The following SEC31A variants were observed in gnomAD, a reference collection of about 807,000 sequenced individuals.
The protein encoded by SEC31A is protein transport protein Sec31A.
SEC31A carries 70 observed loss-of-function variants against 151.0 expected under a neutral mutation model. The observed-to-expected ratio is 0.46, with a 90% CI of 0.38 to 0.57. SEC31A has a LOEUF of 0.57. Ranked by LOEUF, SEC31A falls within the 20% of genes least tolerant of loss-of-function variation. The probability of loss-of-function intolerance (pLI) is 0.00; values close to 1 mark genes in which losing one functional copy is unlikely to be tolerated. For synonymous variants in SEC31A, 475 were observed against 505.9 expected (o/e 0.94, Z 0.82); for missense variants, 1,330 against 1,471.2 (o/e 0.90, Z 1.57).
Position 82,881,041 on chromosome 4 carries a change from C to T in SEC31A, c.80-119G>A, listed in dbSNP as rs140782695. On this transcript the variant is annotated intron_variant, in intron 2 of 26. Coordinates refer to ENST00000395310, the MANE Select transcript of SEC31A (RefSeq NM_001077207.4). ...CTTGCTCATGAATGCTGCACATATG[C>T]CATTGAGCAGATGCTTAAATTACTA... The T allele has an allele frequency of 4.4e-4, 348 of 795,624 alleles. 1 individual carries two copies. Among genetic ancestry groups the T allele is most frequent in the Admixed American group, 1.5e-3 (62 of 40,942 alleles). 49.3% of individuals were successfully genotyped at this position (795,624 alleles called of 1,614,324 possible). A position where few individuals can be genotyped will look rare whatever the true frequency, so the allele number is the denominator to read the frequency against.
chr4:82,884,190 T>C (rs985075322), intron 1 of SEC31A, among the ~76,000 whole-genome samples: 3 of 152,144 alleles, frequency 2.0e-5, no homozygotes, highest in South Asian at 4.2e-4. Context: ...GGTTTCACCA[T>C]GTTGGCCAGG....
intron 14 of SEC31A, among the ~76,000 whole-genome samples, chr4:82,859,958 A>G (rs1386316230): frequency 6.6e-6 from 1 of 151,948 alleles, no homozygotes; most frequent in Non-Finnish European, 1.5e-5. Context: ...ACGCCTGGCT[A>G]AATTTTTGTA....
chr4:82,857,479 CT>C (rs891330352), intron 15 of SEC31A, among the ~76,000 whole-genome samples: 17 of 149,856 alleles, frequency 1.1e-4, no homozygotes, highest in East Asian at 2.0e-4. Context: ...TGTGATAAAA[CT>C]TTTTTTTTTG....
intron 14 of SEC31A, among the ~76,000 whole-genome samples, chr4:82,859,492 T>A (rs1733569589): frequency 6.6e-6 from 1 of 152,210 alleles, no homozygotes; most frequent in Non-Finnish European, 1.5e-5. Flanking sequence ...GAAATATCTG[T>A]CTTCTGTGCT....
At position 82,857,005 on chromosome 4, in the gene SEC31A, A is replaced by G; in HGVS notation, c.1828T>C (p.Leu610=). 1 of 1,613,468 alleles carries G rather than the reference A, an allele frequency of 6.2e-7. No homozygotes were observed. The highest frequency in any genetic ancestry group is 8.5e-7 in the Non-Finnish European group (1 of 1,179,774). The change falls in exon 16 of 27, where the codon TTG becomes CTG. Residue 610 remains leucine (L), a synonymous_variant. Coordinates refer to ENST00000395310, the MANE Select transcript of SEC31A (RefSeq NM_001077207.4). Reference sequence around the variant, plus strand: ...AAGTATTTTTTCTGGGTTCGAGCCAAGAGTTCTTGTCCACCTGCTATGGCC... The same window carrying G: ...AAGTATTTTTTCTGGGTTCGAGCCAGGAGTTCTTGTCCACCTGCTATGGCC... ...ILAIAGGQEL[L]ARTQKKYFAK...
Position 82,890,925 on chromosome 4 carries a change from C to G in SEC31A, c.-5+163G>C, listed in dbSNP as rs1192498481. On this transcript the variant is annotated intron_variant, in intron 1 of 26. Transcript: ENST00000395310. Reference sequence around the variant, plus strand: ...GGAGTCCAGATGCCAGGCGTTGTTCCGCCGGGCCCGAAACCAAGACTAGGG... The same window carrying G: ...GGAGTCCAGATGCCAGGCGTTGTTCGGCCGGGCCCGAAACCAAGACTAGGG... The G allele has an allele frequency of 3.5e-6, 5 of 1,415,088 alleles. No individual in the cohort carries two copies. In the East Asian group the frequency reaches 1.4e-4, roughly 39 times the overall value. 87.7% of individuals were successfully genotyped at this position (1,415,088 alleles called of 1,614,324 possible). A position where few individuals can be genotyped will look rare whatever the true frequency, so the allele number is the denominator to read the frequency against.
At position 82,867,166 on chromosome 4, in the gene SEC31A, G is replaced by T. The variant is rs142883890; in HGVS notation, c.1033C>A (p.Gln345Lys). Residue 345 changes from glutamine to lysine, a missense_variant, in exon 9 of 27, where the codon CAA becomes AAA. Coordinates refer to ENST00000395310, the MANE Select transcript of SEC31A (RefSeq NM_001077207.4). ...ACACTTCCTATTACCTTGTCAACTT[G>T]TTTCTGTCTTAAACCATCTGTGCTA... The part of the protein sequence containing the change: ...GGSTDGLRQK[Q>K]VDKLSSSFGN... The T allele has an allele frequency of 6.2e-7, 1 of 1,613,030 alleles. No individual in the cohort carries two copies. Among genetic ancestry groups the T allele is most frequent in the South Asian group, 1.1e-5 (1 of 90,904 alleles).
At chr4:82,836,184 C>A (rs891994215) in intron 22 of SEC31A, among the ~76,000 whole-genome samples, 1 of 151,944 alleles carries the variant, frequency 6.6e-6, no homozygotes, top group Non-Finnish European at 1.5e-5. Context: ...ACCAGCCTGG[C>A]CAATATGGCG....
chr4:82,860,112 A>C (rs1208416114), intron 14 of SEC31A, among the ~76,000 whole-genome samples: 2 of 151,892 alleles, frequency 1.3e-5, no homozygotes. Flanking sequence ...TTTTTAACTC[A>C]TTATTTCTCA....
chr4:82,861,768 G>A (rs1030789609), intron 13 of SEC31A, 60 bp from the exon 14 acceptor site: 1 of 1,184,956 alleles, frequency 8.4e-7, no homozygotes. Context: ...AAGGCTATTA[G>A]TGAACCAGGA....
chr4:82,846,485 A>T (rs1730252040), intron 20 of SEC31A, among the ~76,000 whole-genome samples: 1 of 151,310 alleles, frequency 6.6e-6, no homozygotes, highest in Non-Finnish European at 1.5e-5. Flanking sequence ...AGTTACACTG[A>T]GTGTGCCTGA....
intron 22 of SEC31A, among the ~76,000 whole-genome samples, chr4:82,837,849 T>C (rs13118927): frequency 0.21 from 31,464 of 152,054 alleles, 3,365 homozygotes; most frequent in South Asian, 0.34. Context: ...TATAGGAGCA[T>C]AATGGTAGAA....
In SEC31A at chr4:82,841,443, TATA is replaced by T. The variant is rs1560601459; in HGVS notation, c.2968+694_2968+696del. ...ATCTCAAAAAAGAAAAAAAAAATTT[TATA>T]TATATATATATATATATATATACAC... is the stretch of plus-strand genomic sequence containing the variant. On this transcript the variant is annotated intron_variant, in intron 22 of 26. Coordinates refer to ENST00000395310, the MANE Select transcript of SEC31A (RefSeq NM_001077207.4). Among the ~76,000 whole-genome samples the T allele has an allele frequency of 3.7e-3, 31 of 8,474 alleles. 1 individual carries two copies. The highest frequency in any genetic ancestry group is 0.013 in the Admixed American group (6 of 480). The allele number at this position is 8,474 out of a possible 152,430, so 5.6% of individuals were successfully genotyped here. A position where few individuals can be genotyped will look rare whatever the true frequency, so the allele number is the denominator to read the frequency against.
At position 82,824,655 on chromosome 4, in the gene SEC31A, G is replaced by A. The variant is rs1177124865; in HGVS notation, c.3311C>T (p.Thr1104Ile). 7 of 1,613,706 alleles carry A rather than the reference G, an allele frequency of 4.3e-6. No individual in the cohort carries two copies. Among genetic ancestry groups the A allele is most frequent in the Non-Finnish European group, 5.9e-6 (7 of 1,179,900 alleles). ...AATAGGTTTCTTGGTAATTTTTTTTGTTGGCAAAGACTGCACATGCTGGAA... is the reference window on the plus strand; with the variant it reads ...AATAGGTTTCTTGGTAATTTTTTTTATTGGCAAAGACTGCACATGCTGGAA... ...NTFQHVQSLP[T>I]KKITKKPIPD... The change falls in exon 25 of 27, where the codon ACA (threonine) becomes ATA (isoleucine). Residue 1104 changes from threonine to isoleucine, a missense_variant. Physicochemically the swap from Thr to Ile is moderately conservative, Grantham distance 89 (BLOSUM62 -1). Coordinates refer to ENST00000395310, the MANE Select transcript of SEC31A (RefSeq NM_001077207.4).
chr4:82,891,173 G>C (rs1221783187), upstream of SEC31A: 5 of 1,535,134 alleles, frequency 3.3e-6, no homozygotes, highest in African/African-American at 2.7e-5. Context: ...CCTCCTCCCC[G>C]GCCAGGGCCA....
intron 24 of SEC31A, among the ~76,000 whole-genome samples, chr4:82,825,691 T>C (rs1468971537): frequency 6.6e-6 from 1 of 152,130 alleles, no homozygotes; most frequent in Non-Finnish European, 1.5e-5. Context: ...GAAGCTGTAA[T>C]GTTTTAGGCA....
chr4:82,849,117 C>A, intron 19 of SEC31A, 140 bp from the exon 20 acceptor site: 2 of 736,802 alleles, frequency 2.7e-6, no homozygotes, highest in South Asian at 3.8e-5. Flanking sequence ...GACCCTGACA[C>A]ACAGATTTGA....
At chr4:82,888,378 C>CAA (rs1560676313) in intron 1 of SEC31A, among the ~76,000 whole-genome samples, 1 of 10,604 alleles carries the variant, frequency 9.4e-5, no homozygotes, top group African/African-American at 2.2e-4. Context: ...AAAAAACACA[C>CAA]AAAAAACATA....
At chr4:82,866,325 G>A (rs1249759664) in intron 10 of SEC31A, among the ~76,000 whole-genome samples, 2 of 152,216 alleles carry the variant, frequency 1.3e-5, no homozygotes, top group Middle Eastern at 3.4e-3. Flanking sequence ...ACAAAAACCA[G>A]CCAGGTGTGG....
Sources: allele counts gnomAD v4.1 joint callset (sites outside exome capture counted in the v4.1 genomes callset), GRCh38; gene constraint gnomAD v4.1.1; transcripts MANE v1.5; gene names NCBI Gene and HGNC (gene_info 2026-07-23, HGNC 2026-07-21).